ARHGAP10: variants seen among roughly 807,000 people sequenced by gnomAD.
ARHGAP10 encodes Rho GTPase activating protein 10.
Under a neutral mutation model 108.6 loss-of-function variants are expected in ARHGAP10, and 87 were observed. That is an observed-to-expected ratio of 0.80 (90% confidence interval 0.67 to 0.96). ARHGAP10 has a LOEUF of 0.96. ARHGAP10 is among the 40% of genes least tolerant of loss of function. ARHGAP10 has a pLI of 0.00. For synonymous variants in ARHGAP10, 347 were observed against 341.1 expected (o/e 1.02, Z -0.19); for missense variants, 939 against 954.5 (o/e 0.98, Z 0.21).
At chr4:147,773,806 C>T (rs1167369757) in intron 1 of ARHGAP10, among the ~76,000 whole-genome samples, 6 of 152,200 alleles carry the variant, frequency 3.9e-5, no homozygotes, top group Admixed American at 2.6e-4. Flanking sequence ...AGAACCTGGA[C>T]TGCTCTGAAA....
At chr4:148,033,959 G>A (rs1728261915) in intron 19 of ARHGAP10, among the ~76,000 whole-genome samples, 1 of 152,160 alleles carries the variant, frequency 6.6e-6, no homozygotes, top group Non-Finnish European at 1.5e-5. Flanking sequence ...GAGTTTTATT[G>A]AATGGTTGAC....
At chr4:147,864,745 A>G in intron 5 of ARHGAP10, 101 bp from the exon 6 acceptor site, 1 of 900,708 alleles carries the variant, frequency 1.1e-6, no homozygotes, top group Non-Finnish European at 1.7e-6. Flanking sequence ...ATCAGGCAGC[A>G]CACCGTATTT....
chr4:147,859,685 C>A (rs1306429054), intron 5 of ARHGAP10, among the ~76,000 whole-genome samples: 2 of 152,180 alleles, frequency 1.3e-5, no homozygotes, highest in Non-Finnish European at 2.9e-5. Context: ...ATTCAGTGTT[C>A]TATCTTCAGT....
At chr4:147,964,413 C>A (rs916213929) in intron 16 of ARHGAP10, among the ~76,000 whole-genome samples, 2 of 152,184 alleles carry the variant, frequency 1.3e-5, no homozygotes, top group Admixed American at 1.3e-4. Context: ...CTGGTGCTTC[C>A]CCACGTGGCT....
At chr4:147,804,113 G>T (rs1213609556) in intron 1 of ARHGAP10, among the ~76,000 whole-genome samples, 1 of 151,862 alleles carries the variant, frequency 6.6e-6, no homozygotes, top group Non-Finnish European at 1.5e-5. Context: ...AATAAGCATG[G>T]TACCCAATAG....
intron 18 of ARHGAP10, among the ~76,000 whole-genome samples, chr4:148,011,169 A>G (rs569723575): frequency 8.2e-4 from 125 of 152,310 alleles, no homozygotes; most frequent in South Asian, 1.7e-3. Context: ...TATTGGTGAA[A>G]TTGATCCCTT....
chr4:147,930,116 A>C (rs1338290848), intron 13 of ARHGAP10, among the ~76,000 whole-genome samples: 3 of 152,232 alleles, frequency 2.0e-5, no homozygotes, highest in African/African-American at 7.2e-5. Flanking sequence ...GAAGCATCTC[A>C]TTCCATGCCA....
At chr4:148,013,895 G>A (rs1741256032) in intron 18 of ARHGAP10, among the ~76,000 whole-genome samples, 1 of 152,168 alleles carries the variant, frequency 6.6e-6, no homozygotes, top group Non-Finnish European at 1.5e-5. Context: ...CCCAGGAGAG[G>A]AAGTCCTCTT....
At chr4:147,938,867 A>G (rs954941843) in intron 13 of ARHGAP10, among the ~76,000 whole-genome samples, 1 of 152,186 alleles carries the variant, frequency 6.6e-6, no homozygotes, top group African/African-American at 2.4e-5. Flanking sequence ...TATAAGTCAC[A>G]TTTTTTGGAA....
intron 15 of ARHGAP10, among the ~76,000 whole-genome samples, chr4:147,953,617 T>C (rs1249094898): frequency 1.1e-5 from 1 of 94,266 alleles, no homozygotes; most frequent in Non-Finnish European, 2.7e-5. Context: ...ACCTTTCTCA[T>C]TCCTGGTGTT....
At chr4:147,807,797 A>G (rs1380933454) in intron 1 of ARHGAP10, among the ~76,000 whole-genome samples, 4 of 152,212 alleles carry the variant, frequency 2.6e-5, no homozygotes, top group East Asian at 1.9e-4. Context: ...AATGAACCCC[A>G]TATCACTTGG....
In ARHGAP10 at chr4:147,868,311, A is replaced by G. The variant is rs762091636; in HGVS notation, c.702+1495A>G. On this transcript the variant is annotated intron_variant, in intron 7 of 22. Coordinates refer to ENST00000336498, the MANE Select transcript of ARHGAP10 (RefSeq NM_024605.4). ...AAGTGCAGTGGCACAACCACTGCTCACTGCAGCCTCAACCTCCTAGGCTCA... is the reference window on the plus strand; with the variant it reads ...AAGTGCAGTGGCACAACCACTGCTCGCTGCAGCCTCAACCTCCTAGGCTCA... Among the ~76,000 whole-genome samples the G allele has an allele frequency of 1.3e-5, 2 of 151,452 alleles. 1 individual carries two copies. Among genetic ancestry groups the G allele is most frequent in the Non-Finnish European group, 2.9e-5 (2 of 67,916 alleles).
chr4:148,000,495 C>T (rs1056854232), intron 18 of ARHGAP10, among the ~76,000 whole-genome samples: 10 of 152,186 alleles, frequency 6.6e-5, no homozygotes, highest in South Asian at 2.1e-4. Context: ...CTTGAGGAAT[C>T]GCCATACTGT....
At chr4:147,931,363 T>G (rs1486303057) in intron 13 of ARHGAP10, among the ~76,000 whole-genome samples, 1 of 152,006 alleles carries the variant, frequency 6.6e-6, no homozygotes. Flanking sequence ...AGGTTACAAA[T>G]TTTTGTTAAA....
intron 10 of ARHGAP10, among the ~76,000 whole-genome samples, chr4:147,899,869 G>A (rs950715188): frequency 3.4e-5 from 4 of 118,190 alleles, no homozygotes; most frequent in Admixed American, 1.1e-4. Flanking sequence ...AACTTGTTAC[G>A]TGCTGGGTTT....
intron 1 of ARHGAP10, among the ~76,000 whole-genome samples, chr4:147,821,310 G>T (rs1470914799): frequency 6.6e-6 from 1 of 152,172 alleles, no homozygotes; most frequent in Non-Finnish European, 1.5e-5. Context: ...GAGTTTCCAT[G>T]GGAGGAGCTG....
At chr4:148,065,877 G>T (rs1729846224) in intron 22 of ARHGAP10, among the ~76,000 whole-genome samples, 1 of 150,588 alleles carries the variant, frequency 6.6e-6, no homozygotes, top group Non-Finnish European at 1.5e-5. Flanking sequence ...CAGGTGCAGT[G>T]GTGCACACCT....
intron 4 of ARHGAP10, among the ~76,000 whole-genome samples, chr4:147,853,531 T>C (rs1290244034): frequency 2.0e-5 from 3 of 152,214 alleles, no homozygotes; most frequent in Non-Finnish European, 2.9e-5. Flanking sequence ...TGGTACCCTA[T>C]AGAAAAATGG....
At chr4:147,874,880 A>T in intron 7 of ARHGAP10, 141 bp from the exon 8 acceptor site, 1 of 843,236 alleles carries the variant, frequency 1.2e-6, no homozygotes, top group Non-Finnish European at 1.6e-6. Context: ...CACTGGAAAG[A>T]ATGGGGGTAT....
Sources: gnomAD v4.1 joint callset for allele counts (sites outside exome capture counted in the v4.1 genomes callset) on GRCh38, gnomAD v4.1.1 for gene constraint, MANE v1.5 for transcripts, NCBI Gene and HGNC (gene_info 2026-07-23, HGNC 2026-07-21) for gene names.